The following WDPCP variants were observed in gnomAD, a reference collection of about 807,000 sequenced individuals.
The protein encoded by WDPCP is WD repeat containing planar cell polarity effector.
WDPCP carries 71 observed loss-of-function variants against 93.1 expected under a neutral mutation model. The ratio of observed to expected loss-of-function variants is 0.76; its 90% CI spans 0.63 to 0.93. The LOEUF (loss-of-function observed/expected upper bound fraction) is 0.93. Among genes scored for constraint, WDPCP ranks in the 40% least tolerant of loss-of-function variants. WDPCP has a pLI of 0.00. For missense variants in WDPCP, 844 were observed against 887.4 expected (o/e 0.95, Z 0.62); for synonymous variants, 315 against 315.0 (o/e 1.00, Z 0.00).
At chr2:63,758,415 GA>G in intron 2 of WDPCP, among the ~76,000 whole-genome samples, 1 of 152,202 alleles carries the variant, frequency 6.6e-6, no homozygotes, top group East Asian at 1.9e-4. Context: ...GTAATCAGGA[GA>G]GGTTCTGGAA....
intron 13 of WDPCP, among the ~76,000 whole-genome samples, chr2:63,266,778 C>T (rs1363064023): frequency 6.6e-6 from 1 of 152,046 alleles, no homozygotes; most frequent in Admixed American, 6.6e-5. Flanking sequence ...TGCACTCTAG[C>T]CTGGGCAACA....
upstream of WDPCP, among the ~76,000 whole-genome samples, chr2:63,831,196 T>G (rs541891142): frequency 6.6e-6 from 1 of 152,340 alleles, no homozygotes; most frequent in East Asian, 1.9e-4. Context: ...AAAATGTAAA[T>G]CAGGTCATGT....
intron 1 of WDPCP, among the ~76,000 whole-genome samples, chr2:63,549,247 C>CAA (rs60864094): frequency 8.1e-4 from 71 of 87,570 alleles, no homozygotes; most frequent in Non-Finnish European, 1.0e-3. Context: ...GAGACTGTCT[C>CAA]AAAAAAAAAA....
intron 14 of WDPCP, among the ~76,000 whole-genome samples, chr2:63,188,416 T>C (rs572375697): frequency 7.0e-4 from 107 of 152,146 alleles, no homozygotes; most frequent in Non-Finnish European, 1.4e-3. Flanking sequence ...TCAAGAACAC[T>C]GATTCTTCTG....
At chr2:63,531,416 C>A (rs1203014921) in intron 1 of WDPCP, among the ~76,000 whole-genome samples, 1 of 152,188 alleles carries the variant, frequency 6.6e-6, no homozygotes, top group South Asian at 2.1e-4. Context: ...CCCTGAGTAG[C>A]CTAACTGGGA....
chr2:63,810,037 TACA>T (rs1670838540), intron 2 of WDPCP, among the ~76,000 whole-genome samples: 1 of 152,222 alleles, frequency 6.6e-6, no homozygotes. Context: ...CACACTACTC[TACA>T]ACATTTGGCT....
intron 3 of WDPCP, among the ~76,000 whole-genome samples, chr2:63,638,355 G>A (rs952038776): frequency 2.0e-5 from 3 of 151,446 alleles, no homozygotes; most frequent in Non-Finnish European, 2.9e-5. Context: ...ACACATCCAA[G>A]GTATCTATGT....
chr2:63,311,181 A>T lies in WDPCP; in HGVS notation c.1812+2067T>A, dbSNP rs191815860. On this transcript the variant is annotated intron_variant, in intron 13 of 17. Transcript: ENST00000272321. ...TACACCTTTGTGTGATCCCATTGTG[A>T]TTCATATGTTATTATTTTTAGTCTT... Among the ~76,000 whole-genome samples the T allele has an allele frequency of 4.4e-3, 675 of 152,198 alleles. 8 individuals carry two copies. Among genetic ancestry groups the T allele is most frequent in the African/African-American group, 0.015 (640 of 41,530 alleles).
chr2:63,450,622 C>A (rs1698175985), intron 6 of WDPCP, among the ~76,000 whole-genome samples: 1 of 152,206 alleles, frequency 6.6e-6, no homozygotes, highest in South Asian at 2.1e-4. Context: ...ACCACTACTA[C>A]CACTGGGGCC....
At chr2:63,330,256 TTTTTGGTTA>T (rs1687880228) in intron 12 of WDPCP, among the ~76,000 whole-genome samples, 1 of 152,330 alleles carries the variant, frequency 6.6e-6, no homozygotes, top group East Asian at 1.9e-4. Context: ...ACCTTTTGAC[TTTTTGGTTA>T]GTAGGTATCG....
At chr2:63,522,297 C>G (rs964774692) in intron 1 of WDPCP, among the ~76,000 whole-genome samples, 1 of 151,404 alleles carries the variant, frequency 6.6e-6, no homozygotes, top group Non-Finnish European at 1.5e-5. Context: ...AGACTAAACA[C>G]CCACATCAAA....
At chr2:63,238,578 A>G (rs981796776) in intron 14 of WDPCP, among the ~76,000 whole-genome samples, 7 of 152,154 alleles carry the variant, frequency 4.6e-5, no homozygotes, top group African/African-American at 1.7e-4. Flanking sequence ...GATGTATCAG[A>G]TAATTTAAAA....
chr2:63,313,181 TG>T, intron 13 of WDPCP, 66 bp downstream of exon 13: 2 of 1,450,046 alleles, frequency 1.4e-6, no homozygotes, highest in Non-Finnish European at 1.9e-6. Context: ...ATCCTTTTTA[TG>T]GTCACAAAAG....
chr2:63,478,702 G>T (rs1700099944), intron 6 of WDPCP, among the ~76,000 whole-genome samples: 1 of 152,108 alleles, frequency 6.6e-6, no homozygotes, highest in South Asian at 2.1e-4. Flanking sequence ...AAAGTTCATA[G>T]CCTTAAATGC....
chr2:63,663,497 G>A (rs568069646), intron 2 of WDPCP, among the ~76,000 whole-genome samples: 37 of 152,332 alleles, frequency 2.4e-4, no homozygotes, highest in African/African-American at 8.9e-4. Context: ...AGTCTGAGTA[G>A]AGAGAGAGGA....
intron 1 of WDPCP, among the ~76,000 whole-genome samples, chr2:63,566,797 T>C (rs1175837242): frequency 6.6e-6 from 1 of 152,194 alleles, no homozygotes; most frequent in Non-Finnish European, 1.5e-5. Flanking sequence ...GCAAGTCCCA[T>C]GTTGTTGCTG....
At chr2:63,395,631 A>G (rs1693657837) in intron 10 of WDPCP, among the ~76,000 whole-genome samples, 1 of 152,192 alleles carries the variant, frequency 6.6e-6, no homozygotes, top group African/African-American at 2.4e-5. Context: ...AATTAACTGA[A>G]AAGGGCCTTG....
intron 17 of WDPCP, among the ~76,000 whole-genome samples, chr2:63,142,834 G>T (rs1169886284): frequency 6.6e-6 from 1 of 151,366 alleles, no homozygotes; most frequent in Non-Finnish European, 1.5e-5. Context: ...GTGTGTGTGT[G>T]TGTGTGTGTG....
intron 15 of WDPCP, among the ~76,000 whole-genome samples, chr2:63,173,573 G>A (rs2103999651): frequency 6.6e-6 from 1 of 152,312 alleles, no homozygotes. Flanking sequence ...GATGGAAGCA[G>A]CTACAGGCAA....
Sources: allele counts gnomAD v4.1 joint callset (sites outside exome capture counted in the v4.1 genomes callset), GRCh38; gene constraint gnomAD v4.1.1; transcripts MANE v1.5; gene names NCBI Gene and HGNC (gene_info 2026-07-23, HGNC 2026-07-21).